The following PELP1 variants were observed in gnomAD, a reference collection of about 807,000 sequenced individuals.
The protein encoded by PELP1 is proline-, glutamic acid- and leucine-rich protein 1.
A neutral mutation model predicts 95.5 loss-of-function variants in PELP1; 32 were observed. The ratio of observed to expected loss-of-function variants is 0.34; its 90% CI spans 0.25 to 0.45. The LOEUF (loss-of-function observed/expected upper bound fraction) is 0.45. PELP1 is among the 20% of genes least tolerant of loss of function. The pLI, the probability that PELP1 is intolerant of heterozygous loss-of-function variation, is 1.00. For missense variants in PELP1, 1,358 were observed against 1,444.8 expected (o/e 0.94, Z 0.97); for synonymous variants, 668 against 600.1 (o/e 1.11, Z -1.65).
intron 5 of PELP1, among the ~76,000 whole-genome samples, chr17:4,677,076 C>T (rs1424054348): frequency 2.0e-5 from 3 of 152,110 alleles, no homozygotes; most frequent in Non-Finnish European, 4.4e-5. Flanking sequence ...TGGGCTTCCT[C>T]CTTGACAGTT....
At chr17:4,679,614 C>CA (rs1401537968) in intron 5 of PELP1, among the ~76,000 whole-genome samples, 2 of 152,186 alleles carry the variant, frequency 1.3e-5, no homozygotes, top group African/African-American at 4.8e-5. Context: ...TGTTCAGGGA[C>CA]AAACTGCTGG....
intron 5 of PELP1, among the ~76,000 whole-genome samples, chr17:4,681,555 A>C (rs1467742407): frequency 1.3e-5 from 2 of 151,828 alleles, no homozygotes; most frequent in African/African-American, 4.8e-5. Flanking sequence ...TAATCCCAGC[A>C]TTTTGGGAGG....
Position 4,675,773 on chromosome 17 carries a change from G to C in PELP1, c.1068+24C>G. Reference sequence around the variant, plus strand: ...GCCTGGTATCCTGAGCAAGGGCTCTGAAGAGATGACAAATCCCACTTACAA... The same window carrying C: ...GCCTGGTATCCTGAGCAAGGGCTCTCAAGAGATGACAAATCCCACTTACAA... On this transcript the variant is annotated intron_variant, in intron 9 of 16. Coordinates refer to ENST00000572293, the MANE Select transcript of PELP1 (RefSeq NM_014389.3). The surrounding 1 kb of genome is among the most constrained non-coding windows in gnomAD (Gnocchi z 4.3). The C allele has an allele frequency of 6.6e-7, 1 of 1,509,662 alleles. No individual in the cohort carries two copies. The highest frequency in any genetic ancestry group is 9.0e-7 in the Non-Finnish European group (1 of 1,106,548). 93.5% of individuals were successfully genotyped at this position (1,509,662 alleles called of 1,614,324 possible). A position where few individuals can be genotyped will look rare whatever the true frequency, so the allele number is the denominator to read the frequency against.
intron 3 of PELP1, among the ~76,000 whole-genome samples, chr17:4,690,461 C>T (rs58793943): frequency 0.039 from 5,935 of 152,204 alleles, 294 homozygotes; most frequent in African/African-American, 0.11. Context: ...GTGCCTCACA[C>T]CTGTAATCCC....
intron 1 of PELP1, among the ~76,000 whole-genome samples, chr17:4,693,530 C>A (rs1307074236): frequency 6.6e-6 from 1 of 152,232 alleles, no homozygotes; most frequent in African/African-American, 2.4e-5. Context: ...ATGCCAGCAT[C>A]TCTACTCTTA....
Position 4,672,389 on chromosome 17 carries a change from C to A in PELP1, c.2602G>T (p.Gly868Trp), listed in dbSNP as rs752124193. 3.3e-5 allele frequency: 52 copies of A among 1,556,228 alleles called. No homozygotes were observed. Among genetic ancestry groups the A allele is most frequent in the South Asian group, 2.7e-4 (23 of 84,382 alleles). Reference protein sequence around the residue: ...PQLVPEGTPGGGGPPALEEDL... With the variant: ...PQLVPEGTPGWGGPPALEEDL... ...TCTTCCAGGGCTGGGGGTCCTCCCCCACCAGGAGTCCCTTCAGGGACCAAC... is the reference window on the plus strand; with the variant it reads ...TCTTCCAGGGCTGGGGGTCCTCCCCAACCAGGAGTCCCTTCAGGGACCAAC... Residue 868 changes from glycine (G) to tryptophan (W), a missense_variant, in exon 16 of 17, where the codon GGG becomes TGG. This residue lies in a region of PELP1 where 340 missense variants were observed against 322.9 expected (regional missense o/e 1.05). Transcript: ENST00000572293.
intron 1 of PELP1, among the ~76,000 whole-genome samples, chr17:4,703,268 T>C (rs1479331261): frequency 6.6e-6 from 1 of 152,096 alleles, no homozygotes; most frequent in Non-Finnish European, 1.5e-5. Context: ...TGAGCTCTCC[T>C]CTGACTGAAC....
At chr17:4,682,470 A>G (rs371224221) in intron 5 of PELP1, 32 bp downstream of exon 5, 17 of 1,415,194 alleles carry the variant, frequency 1.2e-5, no homozygotes, top group East Asian at 2.3e-5. Flanking sequence ...CAACGCTTAC[A>G]CTGGTGGGGA....
At chr17:4,674,016 A>T (rs1814628250) in intron 13 of PELP1, 1 of 359,024 alleles carries the variant, frequency 2.8e-6, no homozygotes, top group African/African-American at 2.1e-5. Flanking sequence ...ACAGTATCCG[A>T]CTAGCAACCT....
intron 6 of PELP1, 61 bp downstream of exon 6, chr17:4,676,692 G>A (rs1912494117): frequency 7.6e-6 from 11 of 1,448,286 alleles, no homozygotes; most frequent in Admixed American, 2.0e-5. Context: ...TAGAGGAGGA[G>A]CAGCAAGAGA....
chr17:4,691,242 A>C, intron 2 of PELP1, 136 bp downstream of exon 2: 1 of 715,798 alleles, frequency 1.4e-6, no homozygotes, highest in African/African-American at 1.8e-5. Flanking sequence ...TCACAAAAGG[A>C]ATGTAACTCT....
Position 4,675,567 on chromosome 17 carries a change from T to A in PELP1, c.1069-205A>T. The A allele has an allele frequency of 4.2e-6, 3 of 706,984 alleles. No individual in the cohort carries two copies. Among genetic ancestry groups the A allele is most frequent in the Non-Finnish European group, 7.7e-6 (3 of 388,086 alleles). The allele number at this position is 706,984 out of a possible 1,614,324, so 43.8% of individuals were successfully genotyped here. A position where few individuals can be genotyped will look rare whatever the true frequency, so the allele number is the denominator to read the frequency against. ...GAAGGATGGCTGGGCCTCTCAGCAA[T>A]GACTCAGCTGATCCCCAAATTCACC... On this transcript the variant is annotated intron_variant, in intron 9 of 16. Transcript: ENST00000572293. The surrounding 1 kb of genome is among the most constrained non-coding windows in gnomAD (Gnocchi z 4.3).
chr17:4,681,591 A>G (rs1289012119), intron 5 of PELP1, among the ~76,000 whole-genome samples: 2 of 151,582 alleles, frequency 1.3e-5, no homozygotes, highest in African/African-American at 4.8e-5. Context: ...CACAAAGTCA[A>G]GAGATCGAGA....
chr17:4,681,231 T>A (rs1912672256), intron 5 of PELP1, among the ~76,000 whole-genome samples: 1 of 152,200 alleles, frequency 6.6e-6, no homozygotes, highest in Admixed American at 6.5e-5. Context: ...ATGCCTGTAA[T>A]CCCAACACTT....
intron 1 of PELP1, among the ~76,000 whole-genome samples, chr17:4,695,928 A>G (rs1451019061): frequency 6.6e-6 from 1 of 151,536 alleles, no homozygotes; most frequent in African/African-American, 2.4e-5. Flanking sequence ...TGGCCTCCGA[A>G]AGTGCTGGGA....
chr17:4,683,841 T>C (rs1192019705), intron 3 of PELP1, among the ~76,000 whole-genome samples: 1 of 140,336 alleles, frequency 7.1e-6, no homozygotes, highest in East Asian at 2.0e-4. Flanking sequence ...TTTTTTTTTT[T>C]TTTTTTTTTT....
At position 4,671,704 on chromosome 17, in the gene PELP1, G is replaced by T; in HGVS notation, c.3287C>A (p.Ala1096Asp). ...EEMETETEAE[A>D]LQEKEQDDTA... The stretch of plus-strand genomic sequence containing the variant: ...CTGGCCTCTCACCTTTTCCTGGAGA[G>T]CTTCGGCCTCTGTCTCTGTCTCCAT... The change falls in exon 16 of 17, where the codon GCT becomes GAT. Residue 1096 changes from alanine to aspartate, a missense_variant. Physicochemically the swap from Ala to Asp is moderately radical, Grantham distance 126. This residue lies in a region of PELP1 where 283 missense variants were observed against 284.1 expected (regional missense o/e 1.00). Coordinates refer to ENST00000572293, the MANE Select transcript of PELP1 (RefSeq NM_014389.3). 1 of 1,563,738 alleles carries T rather than the reference G, an allele frequency of 6.4e-7. No homozygotes were observed. Among genetic ancestry groups the T allele is most frequent in the East Asian group, 2.2e-5 (1 of 44,538 alleles).
At chr17:4,694,684 T>C (rs1913228576) in intron 1 of PELP1, among the ~76,000 whole-genome samples, 1 of 138,978 alleles carries the variant, frequency 7.2e-6, no homozygotes, top group Non-Finnish European at 1.6e-5. Flanking sequence ...AAAATAAAAA[T>C]AAAATGGGCC....
chr17:4,701,472 T>C (rs1033598812), intron 1 of PELP1, among the ~76,000 whole-genome samples: 16 of 152,156 alleles, frequency 1.1e-4, no homozygotes, highest in African/African-American at 3.9e-4. Context: ...CCAGCTACTG[T>C]GTGGGGAACG....
Sources: gnomAD v4.1 joint callset for allele counts (sites outside exome capture counted in the v4.1 genomes callset) on GRCh38, gnomAD v4.1.1 for gene constraint, gnomAD v4.1.1 regional missense constraint, Gnocchi (gnomAD v3.1) non-coding constraint, MANE v1.5 for transcripts, NCBI Gene and HGNC (gene_info 2026-07-23, HGNC 2026-07-21) for gene names.